The following UGGT2 variants were observed in gnomAD, a reference collection of about 807,000 sequenced individuals.
UGGT2 encodes UDP-glucose:glycoprotein glucosyltransferase 2.
Under a neutral mutation model 192.1 loss-of-function variants are expected in UGGT2, and 180 were observed. That is an observed-to-expected ratio of 0.94 (90% confidence interval 0.83 to 1.06). The LOEUF is 1.06. Among genes scored for constraint, UGGT2 ranks in the 50% least tolerant of loss-of-function variants. UGGT2 has a pLI of 0.00. For synonymous variants in UGGT2, 580 were observed against 591.0 expected (o/e 0.98, Z 0.27); for missense variants, 1,849 against 1,795.7 (o/e 1.03, Z -0.54).
At chr13:96,051,008 T>C (rs2053469491) in intron 1 of UGGT2, among the ~76,000 whole-genome samples, 1 of 152,220 alleles carries the variant, frequency 6.6e-6, no homozygotes, top group Admixed American at 6.5e-5. Flanking sequence ...TTATAAATCA[T>C]GCTGCTATAA....
chr13:95,826,794 A>G (rs2139834108), intron 38 of UGGT2, among the ~76,000 whole-genome samples: 1 of 137,182 alleles, frequency 7.3e-6, no homozygotes, highest in Middle Eastern at 3.8e-3. Context: ...TTCTCTGACC[A>G]TCCCACACAG....
At chr13:95,911,524 G>C (rs896107275) in intron 20 of UGGT2, among the ~76,000 whole-genome samples, 3 of 152,094 alleles carry the variant, frequency 2.0e-5, no homozygotes, top group Non-Finnish European at 2.9e-5. Flanking sequence ...ACCCTCCCAA[G>C]ACTAAACCAG....
intron 10 of UGGT2, among the ~76,000 whole-genome samples, chr13:95,975,607 T>C (rs1349472309): frequency 6.6e-6 from 1 of 152,192 alleles, no homozygotes; most frequent in Non-Finnish European, 1.5e-5. Context: ...TAAGCTCATT[T>C]TTCCTTAAAG....
chr13:96,026,251 T>C (rs923034433), intron 2 of UGGT2, among the ~76,000 whole-genome samples: 1 of 152,096 alleles, frequency 6.6e-6, no homozygotes, highest in Non-Finnish European at 1.5e-5. Context: ...AACAATTAAG[T>C]ATGTGAAGAA....
intron 6 of UGGT2, 53 bp downstream of exon 6, chr13:95,999,158 T>G (rs975481763): frequency 6.8e-7 from 1 of 1,478,770 alleles, no homozygotes; most frequent in African/African-American, 1.4e-5. Flanking sequence ...AACTAAAGTA[T>G]GTAAAAGCCT....
chr13:95,890,119 T>C lies in UGGT2; in HGVS notation c.2958+743A>G, dbSNP rs139520262. The stretch of plus-strand genomic sequence containing the variant: ...GCCTTTGTTATAGCGGCCAAACCTA[T>C]AGAATACAAACTCCATGTTTCCCCT... On this transcript the variant is annotated intron_variant, in intron 25 of 38. Transcript: ENST00000376747. Among the ~76,000 whole-genome samples the C allele has an allele frequency of 5.3e-3, 806 of 152,292 alleles. 11 individuals carry two copies. Among genetic ancestry groups the C allele is most frequent in the African/African-American group, 0.019 (770 of 41,552 alleles).
At chr13:95,858,846 G>A (rs560694482) in intron 33 of UGGT2, among the ~76,000 whole-genome samples, 21 of 152,220 alleles carry the variant, frequency 1.4e-4, no homozygotes, top group East Asian at 3.9e-4. Context: ...ATTGAATAAC[G>A]TCAGTTAAAC....
At chr13:96,022,400 T>C (rs1363070662) in intron 4 of UGGT2, among the ~76,000 whole-genome samples, 1 of 151,898 alleles carries the variant, frequency 6.6e-6, no homozygotes, top group Non-Finnish European at 1.5e-5. Context: ...AAAATAAAAG[T>C]CTTTTGTATA....
At chr13:95,823,625 C>G (rs891327957) in intron 38 of UGGT2, among the ~76,000 whole-genome samples, 1 of 152,022 alleles carries the variant, frequency 6.6e-6, no homozygotes, top group Non-Finnish European at 1.5e-5. Flanking sequence ...TTTTCCATCC[C>G]TTTACCTTGA....
intron 1 of UGGT2, among the ~76,000 whole-genome samples, chr13:96,042,651 T>C (rs2053198114): frequency 6.7e-6 from 1 of 150,102 alleles, no homozygotes; most frequent in Non-Finnish European, 1.5e-5. Context: ...AAATCTTCAG[T>C]GAAATAGATT....
chr13:95,809,452 T>G (rs1884473286), intron 38 of UGGT2: 3 of 376,912 alleles, frequency 8.0e-6, no homozygotes, highest in South Asian at 2.1e-5. Context: ...CTTTCCCTTT[T>G]GTTTGCACGT....
chr13:95,984,777 A>G (rs1300691218), intron 9 of UGGT2: 1 of 152,266 alleles, frequency 6.6e-6, no homozygotes, highest in Non-Finnish European at 1.5e-5. Flanking sequence ...AAAAAATTAA[A>G]AGATTGTTAA....
intron 12 of UGGT2, among the ~76,000 whole-genome samples, chr13:95,951,920 T>C (rs2050075138): frequency 6.6e-6 from 1 of 152,090 alleles, no homozygotes; most frequent in South Asian, 2.1e-4. Context: ...TAGCCAGGCA[T>C]GGTGATACAC....
At chr13:95,931,634 G>A (rs1179958553) in intron 17 of UGGT2, among the ~76,000 whole-genome samples, 6 of 152,128 alleles carry the variant, frequency 3.9e-5, no homozygotes, top group Non-Finnish European at 8.8e-5. Context: ...GAGGCAGCGA[G>A]AATTCGAGCA....
Position 96,053,334 on chromosome 13 carries a change from G to C in UGGT2, c.-22C>G. On this transcript the variant is annotated 5_prime_UTR_variant, in exon 1 of 39. Transcript: ENST00000376747. ...CCATGGCACGGAGAGAAAAGCGCGA[G>C]TCCCTCGGACCCGGTACCCACAGTC... The C allele has an allele frequency of 1.3e-6, 2 of 1,578,280 alleles. No homozygotes were observed. Among genetic ancestry groups the C allele is most frequent in the Middle Eastern group, 1.7e-4 (1 of 5,888 alleles).
Position 95,864,075 on chromosome 13 carries a change from C to T in UGGT2, c.3559-361G>A, listed in dbSNP as rs899161084. The stretch of plus-strand genomic sequence containing the variant: ...ATAGCTCACTTATCGTTATCCCTTC[C>T]CTTTCCCTATTTGTCTGGAAATTTT... On this transcript the variant is annotated intron_variant, in intron 30 of 38. Coordinates refer to ENST00000376747, the MANE Select transcript of UGGT2 (RefSeq NM_020121.4). Among the ~76,000 whole-genome samples the T allele has an allele frequency of 8.5e-5, 13 of 152,218 alleles. No homozygotes were observed. In the East Asian group the frequency reaches 1.7e-3, roughly 20 times the overall value.
chr13:95,947,091 G>C lies in UGGT2; in HGVS notation c.1623C>G (p.Phe541Leu), dbSNP rs1331706502. 6.2e-7 allele frequency: 1 copy of C among 1,611,820 alleles called. No individual in the cohort carries two copies. Among genetic ancestry groups the C allele is most frequent in the African/African-American group, 1.3e-5 (1 of 74,912 alleles). The change falls in exon 15 of 39, where the codon TTC becomes TTG. Residue 541 changes from phenylalanine to leucine, a missense_variant. Transcript: ENST00000376747. ...TATCAAATTCTTCTGCAATATAGTT[G>C]AAAGCTCGCCAGAGAGCAACTCCAG... ...NDAGVALWRAFNYIAEEFDIS... is the reference protein window; with the variant it reads ...NDAGVALWRALNYIAEEFDIS...
At chr13:95,813,851 T>G (rs1884689290) in intron 38 of UGGT2, among the ~76,000 whole-genome samples, 1 of 152,150 alleles carries the variant, frequency 6.6e-6, no homozygotes, top group Non-Finnish European at 1.5e-5. Flanking sequence ...AAGACACTGT[T>G]TTCCTCATTC....
intron 38 of UGGT2, among the ~76,000 whole-genome samples, chr13:95,812,472 A>G (rs927932211): frequency 1.3e-5 from 2 of 152,240 alleles, no homozygotes; most frequent in South Asian, 4.1e-4. Context: ...AGGATAAAAA[A>G]TACACTATGC....
Sources: gnomAD v4.1 joint callset for allele counts (sites outside exome capture counted in the v4.1 genomes callset) on GRCh38, gnomAD v4.1.1 for gene constraint, MANE v1.5 for transcripts, NCBI Gene and HGNC (gene_info 2026-07-23, HGNC 2026-07-21) for gene names.